The following LHX6 variants were observed in gnomAD, a reference collection of about 807,000 sequenced individuals.
LHX6 encodes the protein LIM/homeobox protein Lhx6.
Under a neutral mutation model 47.1 loss-of-function variants are expected in LHX6, and 15 were observed. The observed-to-expected ratio is 0.32, with a 90% CI of 0.21 to 0.49. The LOEUF is 0.49. Among genes scored for constraint, LHX6 ranks in the 20% least tolerant of loss-of-function variants. The probability of loss-of-function intolerance (pLI) is 0.99; values close to 1 mark genes in which losing one functional copy is unlikely to be tolerated. For missense variants in LHX6, 404 were observed against 539.6 expected (o/e 0.75, Z 2.49); for synonymous variants, 242 against 233.5 (o/e 1.04, Z -0.33).
At chr9:122,206,723 T>C (rs568758316) in intron 9 of LHX6, among the ~76,000 whole-genome samples, 21 of 152,204 alleles carry the variant, frequency 1.4e-4, no homozygotes, top group Admixed American at 2.0e-4. Context: ...AGCCCAGCCC[T>C]CTGTACCTCC....
rs1274924903 is a variant in LHX6, at chr9:122,204,094, T to C, written c.*666A>G. The C allele has an allele frequency of 6.6e-6, 1 of 152,090 alleles. No individual in the cohort carries two copies. The highest frequency in any genetic ancestry group is 1.5e-5 in the Non-Finnish European group (1 of 68,014). The allele number at this position is 152,090 out of a possible 1,614,324, so 9.4% of individuals were successfully genotyped here. ...TCCTTGATTTCCAAACCAATGGGGG[T>C]CTTTCTTCTCCCCATTCCCTGTCTA... On this transcript the variant is annotated 3_prime_UTR_variant, in exon 10 of 10. Coordinates refer to ENST00000394319, the MANE Select transcript of LHX6 (RefSeq NM_014368.5).
chr9:122,217,266 G>A lies in LHX6; in HGVS notation c.484C>T (p.Arg162Trp), dbSNP rs756354677. ...CTGGCGTAGATCTGTCGGCCGCACC[G>A]GGCACACTTGGTCCCGAATCGGCTG... ...YFSRFGTKCA[R>W]CGRQIYASDW... Residue 162 changes from arginine to tryptophan, a missense_variant, in exon 5 of 10, where the codon CGG (arginine) becomes TGG (tryptophan). This residue lies in a region of LHX6 where 53 missense variants were observed against 97.4 expected (regional missense o/e 0.54). Coordinates refer to ENST00000394319, the MANE Select transcript of LHX6 (RefSeq NM_014368.5). This position sits in a 1 kb window ranked among gnomAD's most constrained non-coding sequence, Gnocchi z 4.9. 2 of 1,612,666 alleles carry A rather than the reference G, an allele frequency of 1.2e-6. No homozygotes were observed. Among genetic ancestry groups the A allele is most frequent in the Admixed American group, 1.7e-5 (1 of 59,996 alleles).
At chr9:122,223,998 C>CA (rs369456785) in intron 4 of LHX6, among the ~76,000 whole-genome samples, 336 of 152,160 alleles carry the variant, frequency 2.2e-3, no homozygotes, top group African/African-American at 7.7e-3. Flanking sequence ...AAGGAGCCCC[C>CA]AAGCATCATC....
intron 4 of LHX6, among the ~76,000 whole-genome samples, chr9:122,224,196 T>A (rs1343264872): frequency 6.6e-6 from 1 of 151,906 alleles, no homozygotes; most frequent in Non-Finnish European, 1.5e-5. Flanking sequence ...CCTGGCTAAG[T>A]TTTGTATTTT....
chr9:122,212,662 C>T (rs1397965369), intron 8 of LHX6, among the ~76,000 whole-genome samples: 1 of 152,174 alleles, frequency 6.6e-6, no homozygotes, highest in African/African-American at 2.4e-5. Context: ...TCCTCCCTCA[C>T]TCCTCCAGGT....
chr9:122,214,412 C>A lies in LHX6; in HGVS notation c.683-29G>T. Reference sequence around the variant, plus strand: ...GGGGCGATAGAAGCAGCTGACCACGCGTCCCCATCTCTTCTAGTGGCAGCC... The same window carrying A: ...GGGGCGATAGAAGCAGCTGACCACGAGTCCCCATCTCTTCTAGTGGCAGCC... On this transcript the variant is annotated intron_variant, in intron 5 of 9. Coordinates refer to ENST00000394319, the MANE Select transcript of LHX6 (RefSeq NM_014368.5). This position sits in a 1 kb window ranked among gnomAD's most constrained non-coding sequence, Gnocchi z 4.6. The A allele has an allele frequency of 6.5e-7, 1 of 1,530,152 alleles. No individual in the cohort carries two copies. Among genetic ancestry groups the A allele is most frequent in the Non-Finnish European group, 8.7e-7 (1 of 1,143,944 alleles). 94.8% of individuals were successfully genotyped at this position (1,530,152 alleles called of 1,614,324 possible). A position where few individuals can be genotyped will look rare whatever the true frequency, so the allele number is the denominator to read the frequency against.
chr9:122,213,512 C>T lies in LHX6; in HGVS notation c.1054+94G>A. 1 of 1,188,332 alleles carries T rather than the reference C, an allele frequency of 8.4e-7. No homozygotes were observed. The highest frequency in any genetic ancestry group is 2.8e-5 in the Admixed American group (1 of 35,596). 73.6% of individuals were successfully genotyped at this position (1,188,332 alleles called of 1,614,324 possible). ...CTTCACCCACGAGGCTCCCCAAGGC[C>T]CTCCACCCCACGCCTCGGCCTCAGC... is the stretch of plus-strand genomic sequence containing the variant. On this transcript the variant is annotated intron_variant, in intron 8 of 9. Coordinates refer to ENST00000394319, the MANE Select transcript of LHX6 (RefSeq NM_014368.5). This position sits in a 1 kb window ranked among gnomAD's most constrained non-coding sequence, Gnocchi z 5.5.
chr9:122,210,607 G>A (rs1159422347), intron 8 of LHX6, among the ~76,000 whole-genome samples: 3 of 152,172 alleles, frequency 2.0e-5, no homozygotes, highest in Non-Finnish European at 4.4e-5. Flanking sequence ...TGTCACCCAG[G>A]CTAGAGGGCA....
rs760080455 is a variant in LHX6, at chr9:122,228,669, G to C, written c.72C>G (p.Pro24=). The part of the protein sequence containing the change: ...EGCRLPAEGG[P]ATDQVMAQPG... ...TTCGCCGGCTCACCTGGTCGGTGGC[G>C]GGGCCGCCCTCGGCCGGCAGCCGGC... The change falls in exon 1 of 10, where the codon CCC becomes CCG. Residue 24 remains proline, a synonymous_variant. Transcript: ENST00000394319. 10 of 1,290,442 alleles carry C rather than the reference G, an allele frequency of 7.7e-6. No individual in the cohort carries two copies. In the Middle Eastern group the frequency reaches 8.7e-4, roughly 112 times the overall value. 79.9% of individuals were successfully genotyped at this position (1,290,442 alleles called of 1,614,324 possible).
chr9:122,209,728 G>C lies in LHX6; in HGVS notation c.1055-11C>G, dbSNP rs772037257. 2 of 813,508 alleles carry C rather than the reference G, an allele frequency of 2.5e-6. No individual in the cohort carries two copies. Among genetic ancestry groups the C allele is most frequent in the South Asian group, 1.3e-5 (1 of 74,642 alleles). The allele number at this position is 813,508 out of a possible 1,614,324, so 50.4% of individuals were successfully genotyped here. A position where few individuals can be genotyped will look rare whatever the true frequency, so the allele number is the denominator to read the frequency against. The stretch of plus-strand genomic sequence containing the variant: ...CGCACTGTACCTGACCTGTGGACGA[G>C]AGGATGCCTTGGAGCTCATCCCCCA... On this transcript the variant is annotated splice_polypyrimidine_tract_variant and intron_variant, in intron 8 of 9. Coordinates refer to ENST00000394319, the MANE Select transcript of LHX6 (RefSeq NM_014368.5).
intron 4 of LHX6, among the ~76,000 whole-genome samples, chr9:122,224,195 G>C (rs1200247246): frequency 6.6e-6 from 1 of 151,954 alleles, no homozygotes. Flanking sequence ...ACCTGGCTAA[G>C]TTTTGTATTT....
Position 122,204,724 on chromosome 9 carries a change from G to C in LHX6, c.*36C>G, listed in dbSNP as rs1830105315. The C allele has an allele frequency of 6.3e-7, 1 of 1,595,282 alleles. No homozygotes were observed. The highest frequency in any genetic ancestry group is 1.7e-5 in the Admixed American group (1 of 57,786). ...TCTCAGCGGCTGAGGGGCAGCTGTG[G>C]GGCGCCCACGGGCAGATGCGGAAGT... is the stretch of plus-strand genomic sequence containing the variant. On this transcript the variant is annotated 3_prime_UTR_variant, in exon 10 of 10. Coordinates refer to ENST00000394319, the MANE Select transcript of LHX6 (RefSeq NM_014368.5).
chr9:122,228,679 T>TCGGCCGG lies in LHX6; in HGVS notation c.55_61dup (p.Glu21AlafsTer27). ...CACCTGGTCGGTGGCGGGGCCGCCC[T>TCGGCCGG]CGGCCGGCAGCCGGCAGCCCTCGGG... On this transcript the variant is annotated frameshift_variant, in exon 1 of 10. Coordinates refer to ENST00000394319, the MANE Select transcript of LHX6 (RefSeq NM_014368.5). LOFTEE classifies it high-confidence loss of function. 1 of 1,285,874 alleles carries TCGGCCGG rather than the reference T, an allele frequency of 7.8e-7. No homozygotes were observed. Among genetic ancestry groups the TCGGCCGG allele is most frequent in the Non-Finnish European group, 9.8e-7 (1 of 1,017,502 alleles). 79.7% of individuals were successfully genotyped at this position (1,285,874 alleles called of 1,614,324 possible). A position where few individuals can be genotyped will look rare whatever the true frequency, so the allele number is the denominator to read the frequency against.
chr9:122,227,275 G>A, intron 2 of LHX6, 134 bp downstream of exon 2: 1 of 984,556 alleles, frequency 1.0e-6, no homozygotes, highest in South Asian at 1.9e-5. Context: ...GAAAACCGAG[G>A]CTCAGAGAGG....
At chr9:122,212,091 C>G (rs2118844406) in intron 8 of LHX6, among the ~76,000 whole-genome samples, 1 of 151,736 alleles carries the variant, frequency 6.6e-6, no homozygotes, top group South Asian at 2.1e-4. Flanking sequence ...ACAAGAGCAG[C>G]CAATACTTAT....
In LHX6 at chr9:122,217,286, C is replaced by A; in HGVS notation, c.464G>T (p.Arg155Leu). Residue 155 changes from arginine to leucine, a missense_variant and splice_region_variant, in exon 5 of 10, where the codon CGA becomes CTA. Arg to Leu is a moderately radical substitution (Grantham distance 102). Around this residue, in one of 7 missense-constraint regions of LHX6, gnomAD observed 53 missense variants for 97.4 expected, o/e 0.54. Transcript: ENST00000394319. The surrounding 1 kb of genome is among the most constrained non-coding windows in gnomAD (Gnocchi z 4.9). ...EIFCKMDYFS[R>L]FGTKCARCGR... ...GCACCGGGCACACTTGGTCCCGAAT[C>A]GGCTGCAGGTCGAGAGGACAGGCAC... 6.2e-7 allele frequency: 1 copy of A among 1,609,644 alleles called. No individual in the cohort carries two copies. The highest frequency in any genetic ancestry group is 2.2e-5 in the East Asian group (1 of 44,834).
intron 8 of LHX6, among the ~76,000 whole-genome samples, chr9:122,211,097 C>T (rs151174704): frequency 5.3e-5 from 8 of 152,258 alleles, no homozygotes; most frequent in African/African-American, 1.7e-4. Context: ...ACCTTTGGGT[C>T]GGATCCAAAT....
rs1195022191 is a variant in LHX6, at chr9:122,214,259, G to T, written c.783+24C>A. 2 of 1,350,086 alleles carry T rather than the reference G, an allele frequency of 1.5e-6. No homozygotes were observed. Among genetic ancestry groups the T allele is most frequent in the East Asian group, 4.4e-5 (1 of 22,950 alleles). The allele number at this position is 1,350,086 out of a possible 1,614,324, so 83.6% of individuals were successfully genotyped here. The stretch of plus-strand genomic sequence containing the variant: ...CACTTTCGGCCCGGCCCCCGCCCCC[G>T]CCGCCCACTGCTTGCAGCGGTACCT... On this transcript the variant is annotated intron_variant, in intron 6 of 9. Coordinates refer to ENST00000394319, the MANE Select transcript of LHX6 (RefSeq NM_014368.5). This position sits in a 1 kb window ranked among gnomAD's most constrained non-coding sequence, Gnocchi z 4.6.
rs1278101940 is a variant in LHX6 at position 122,214,113 on chromosome 9, C to T, written c.784-44G>A. The T allele has an allele frequency of 1.3e-6, 2 of 1,545,102 alleles. No individual in the cohort carries two copies. Among genetic ancestry groups the T allele is most frequent in the Non-Finnish European group, 1.8e-6 (2 of 1,140,454 alleles). On this transcript the variant is annotated intron_variant, in intron 6 of 9. Transcript: ENST00000394319. The surrounding 1 kb of genome is among the most constrained non-coding windows in gnomAD (Gnocchi z 4.6). ...GGTGAGGCGCTCGCACGCAGAGACT[C>T]CGAGACCCCGGCCCAATCAGCGGCG...
Sources: gnomAD v4.1 joint callset for allele counts (sites outside exome capture counted in the v4.1 genomes callset) on GRCh38, gnomAD v4.1.1 for gene constraint, gnomAD v4.1.1 regional missense constraint, Gnocchi (gnomAD v3.1) non-coding constraint, MANE v1.5 for transcripts, NCBI Gene and HGNC (gene_info 2026-07-23, HGNC 2026-07-21) for gene names.